Variants in TRPV1 observed in about 807,000 individuals in gnomAD.
The protein encoded by TRPV1 is OTRPC1.
In TRPV1, 82 loss-of-function variants were observed where a neutral mutation model predicts 82.3. The observed-to-expected ratio is 1.00, with a 90% CI of 0.83 to 1.20. The LOEUF is 1.20. Ranked by LOEUF, TRPV1 falls within the 50% of genes most tolerant of loss-of-function variation. The pLI, the probability that TRPV1 is intolerant of heterozygous loss-of-function variation, is 0.00. For missense variants in TRPV1, 1,067 were observed against 1,096.8 expected (o/e 0.97, Z 0.38); for synonymous variants, 515 against 467.7 (o/e 1.10, Z -1.30).
intron 12 of TRPV1, 23 bp downstream of exon 12, chr17:3,577,575 C>A (rs1024469864): frequency 6.4e-7 from 1 of 1,562,526 alleles, no homozygotes; most frequent in Admixed American, 1.9e-5. Context: ...CTGAGGAGAC[C>A]CACTGGGGCC....
In TRPV1 at chr17:3,584,936, G is replaced by T. The variant is rs566289565; in HGVS notation, c.1383+832C>A. ...GTCTTGGCTCTTGGCAGAGGAAAAA[G>T]GCTGGTCTTAGGCTGATTTGATGGA... On this transcript the variant is annotated intron_variant, in intron 9 of 16. Transcript: ENST00000572705. Among the ~76,000 whole-genome samples the T allele has an allele frequency of 9.6e-3, 1,465 of 152,346 alleles. 13 individuals carry two copies. The highest frequency in any genetic ancestry group is 0.03 in the South Asian group (146 of 4,824).
intron 2 of TRPV1, among the ~76,000 whole-genome samples, chr17:3,593,862 C>T (rs968676845): frequency 1.9e-4 from 29 of 152,152 alleles, no homozygotes; most frequent in African/African-American, 2.7e-4. Flanking sequence ...GCGTGGCTCA[C>T]GCCTGTAATC....
intron 16 of TRPV1, among the ~76,000 whole-genome samples, chr17:3,569,286 G>C (rs1272587474): frequency 6.6e-6 from 1 of 152,180 alleles, no homozygotes; most frequent in Non-Finnish European, 1.5e-5. Flanking sequence ...AATTAGCCGG[G>C]TATAGTGGCA....
At chr17:3,581,992 C>A (rs904703904) in intron 10 of TRPV1, among the ~76,000 whole-genome samples, 29 of 145,042 alleles carry the variant, frequency 2.0e-4, no homozygotes, top group South Asian at 9.0e-4. Context: ...AGATCGAGAC[C>A]ATCCTGGCTA....
intron 14 of TRPV1, among the ~76,000 whole-genome samples, chr17:3,572,663 C>T (rs571186102): frequency 1.2e-4 from 9 of 73,802 alleles, no homozygotes; most frequent in African/African-American, 2.6e-4. Flanking sequence ...AACTTCACTA[C>T]GCCTCAGTGC....
chr17:3,573,795 G>C lies in TRPV1; in HGVS notation c.1941C>G (p.Asp647Glu). ...AGTCATAGTTCTCAGTGAACTCCAGGTCGCCCATGCCGATGGTGAACTTGA... is the reference window on the plus strand; with the variant it reads ...AGTCATAGTTCTCAGTGAACTCCAGCTCGCCCATGCCGATGGTGAACTTGA... ...ELFKFTIGMG[D>E]LEFTENYDFK... is the part of the protein sequence containing the mutation. Residue 647 changes from aspartate to glutamate, a missense_variant, in exon 14 of 17, where the codon GAC becomes GAG. Transcript: ENST00000572705. 2 of 1,613,886 alleles carry C rather than the reference G, an allele frequency of 1.2e-6. No individual in the cohort carries two copies. The highest frequency in any genetic ancestry group is 1.7e-6 in the Non-Finnish European group (2 of 1,179,890).
intron 8 of TRPV1, 52 bp from the exon 9 acceptor site, chr17:3,585,978 C>A (rs2075080687): frequency 6.2e-7 from 1 of 1,605,378 alleles, no homozygotes; most frequent in Non-Finnish European, 8.5e-7. Flanking sequence ...GAACTCCTCG[C>A]ACGCCCACAC....
intron 14 of TRPV1, 42 bp downstream of exon 14, chr17:3,573,591 A>T: frequency 1.7e-6 from 2 of 1,160,814 alleles, no homozygotes; most frequent in Non-Finnish European, 2.2e-6. Flanking sequence ...AGCCGCCCAC[A>T]CTCTCCGCGC....
intron 16 of TRPV1, among the ~76,000 whole-genome samples, chr17:3,568,275 T>C (rs912394499): frequency 8.7e-5 from 13 of 150,268 alleles, no homozygotes; most frequent in Admixed American, 5.3e-4. Context: ...TGAGCCAAGA[T>C]TGCGCCACTG....
At chr17:3,568,569 AT>A (rs1366649391) in intron 16 of TRPV1, among the ~76,000 whole-genome samples, 3 of 152,056 alleles carry the variant, frequency 2.0e-5, no homozygotes, top group Admixed American at 2.0e-4. Flanking sequence ...GATAAAATAG[AT>A]TTTCGCTTCC....
intron 2 of TRPV1, among the ~76,000 whole-genome samples, chr17:3,593,712 C>T (rs1370265104): frequency 1.3e-5 from 2 of 152,200 alleles, no homozygotes; most frequent in African/African-American, 2.4e-5. Context: ...GCCCACTGAC[C>T]GCCTGTCCCA....
chr17:3,571,665 C>T (rs756744078), intron 15 of TRPV1, 26 bp from the exon 16 acceptor site: 1 of 1,564,000 alleles, frequency 6.4e-7, no homozygotes, highest in Non-Finnish European at 8.7e-7. Context: ...TCGGGAGAGC[C>T]TGAGAGCTGT....
chr17:3,583,095 G>A (rs553820941), intron 10 of TRPV1, among the ~76,000 whole-genome samples: 12 of 152,214 alleles, frequency 7.9e-5, no homozygotes, highest in East Asian at 7.7e-4. Flanking sequence ...ACTCCGTTCC[G>A]TGGAGTGGCT....
intron 2 of TRPV1, chr17:3,595,924 G>A (rs929825848): frequency 6.6e-6 from 1 of 152,246 alleles, no homozygotes; most frequent in African/African-American, 2.4e-5. Flanking sequence ...CCGGGGAACA[G>A]GGTCAGGACA....
intron 12 of TRPV1, 60 bp downstream of exon 12, chr17:3,577,538 C>G: frequency 6.5e-7 from 1 of 1,533,358 alleles, no homozygotes; most frequent in Non-Finnish European, 8.8e-7. Flanking sequence ...TTGGCCCCAT[C>G]TCACATGACC....
Position 3,588,237 on chromosome 17 carries a change from T to C in TRPV1, c.1175A>G (p.Glu392Gly). ...GATCACCTCCAGCACCGAGTTCTTCTCGCAGGTGTCGATGCAGGACAGGTC... is the reference window on the plus strand; with the variant it reads ...GATCACCTCCAGCACCGAGTTCTTCCCGCAGGTGTCGATGCAGGACAGGTC... ...LYDLSCIDTC[E>G]KNSVLEVIAY... The change falls in exon 8 of 17, where the codon GAG becomes GGG. Residue 392 changes from glutamate (E) to glycine (G), a missense_variant. By Grantham distance (98) the Glu-to-Gly change is moderately conservative. Transcript: ENST00000572705. 1 of 1,579,576 alleles carries C rather than the reference T, an allele frequency of 6.3e-7. No individual in the cohort carries two copies. Among genetic ancestry groups the C allele is most frequent in the Non-Finnish European group, 8.6e-7 (1 of 1,163,414 alleles).
chr17:3,581,479 A>T (rs1195531377), intron 10 of TRPV1, among the ~76,000 whole-genome samples: 2 of 152,172 alleles, frequency 1.3e-5, no homozygotes, highest in Non-Finnish European at 2.9e-5. Flanking sequence ...GTGTGAAAAG[A>T]AAGACAGTTG....
chr17:3,593,230 C>T (rs2075184581), intron 2 of TRPV1, among the ~76,000 whole-genome samples: 1 of 151,992 alleles, frequency 6.6e-6, no homozygotes, highest in Non-Finnish European at 1.5e-5. Flanking sequence ...CGATTCTCCT[C>T]CCTCAGCCTC....
At chr17:3,582,082 C>A (rs548322188) in intron 10 of TRPV1, among the ~76,000 whole-genome samples, 3 of 142,632 alleles carry the variant, frequency 2.1e-5, no homozygotes, top group Non-Finnish European at 4.5e-5. Flanking sequence ...CCCAGCTACT[C>A]GGGAGGCTGA....
Sources: allele counts gnomAD v4.1 joint callset (sites outside exome capture counted in the v4.1 genomes callset), GRCh38; gene constraint gnomAD v4.1.1; transcripts MANE v1.5; gene names NCBI Gene and HGNC (gene_info 2026-07-23, HGNC 2026-07-21).